FAT3: variants seen among roughly 807,000 people sequenced by gnomAD.
The protein encoded by FAT3 is FAT atypical cadherin 3.
In FAT3, 95 loss-of-function variants were observed where a neutral mutation model predicts 310.2. The observed-to-expected ratio is 0.31, with a 90% CI of 0.26 to 0.36. FAT3 has a LOEUF of 0.36. Ranked by LOEUF, FAT3 falls within the 10% of genes least tolerant of loss-of-function variation. The probability of loss-of-function intolerance (pLI) is 1.00; values close to 1 mark genes in which losing one functional copy is unlikely to be tolerated. For synonymous variants in FAT3, 2,314 were observed against 2,192.9 expected (o/e 1.06, Z -1.54); for missense variants, 5,408 against 5,715.6 (o/e 0.95, Z 1.74).
chr11:92,808,808 C>T (rs1947582577), intron 12 of FAT3, among the ~76,000 whole-genome samples: 1 of 152,054 alleles, frequency 6.6e-6, no homozygotes, highest in African/African-American at 2.4e-5. Context: ...CACCTGTAGT[C>T]CCAGCTACTT....
At chr11:92,700,308 G>C (rs1365554645) in intron 4 of FAT3, among the ~76,000 whole-genome samples, 1 of 152,158 alleles carries the variant, frequency 6.6e-6, no homozygotes, top group Non-Finnish European at 1.5e-5. Context: ...AAGCAGATTG[G>C]AAAGGCAAAC....
intron 20 of FAT3, among the ~76,000 whole-genome samples, chr11:92,858,064 T>C (rs1949027166): frequency 6.6e-6 from 1 of 152,202 alleles, no homozygotes; most frequent in African/African-American, 2.4e-5. Context: ...GGCACATTGA[T>C]AACAATTTTG....
chr11:92,857,132 C>A, intron 19 of FAT3, 82 bp from the exon 20 acceptor site: 1 of 1,601,434 alleles, frequency 6.2e-7, no homozygotes, highest in Non-Finnish European at 8.5e-7. Flanking sequence ...TTGTGTGTTC[C>A]CTTTGAACCT....
chr11:92,716,059 A>C (rs560627420), intron 4 of FAT3, among the ~76,000 whole-genome samples: 83 of 152,306 alleles, frequency 5.4e-4, no homozygotes, highest in African/African-American at 1.9e-3. Flanking sequence ...TATCTGGGAA[A>C]AGAGGACTTT....
intron 3 of FAT3, among the ~76,000 whole-genome samples, chr11:92,555,199 G>C (rs1954976903): frequency 6.6e-6 from 1 of 152,174 alleles, no homozygotes; most frequent in Admixed American, 6.5e-5. Context: ...TGGAATATGA[G>C]ATAACTTGAT....
chr11:92,600,554 A>T (rs1245848293), intron 3 of FAT3, among the ~76,000 whole-genome samples: 1 of 152,214 alleles, frequency 6.6e-6, no homozygotes, highest in African/African-American at 2.4e-5. Flanking sequence ...TTAGAATTGT[A>T]CATTAACTCA....
At chr11:92,387,250 G>A (rs981736514) in intron 2 of FAT3, among the ~76,000 whole-genome samples, 2 of 152,098 alleles carry the variant, frequency 1.3e-5, no homozygotes, top group African/African-American at 2.4e-5. Context: ...TGAGAGAACT[G>A]GGAGGTGCAT....
intron 2 of FAT3, chr11:92,403,443 G>A (rs919686261): frequency 4.6e-5 from 7 of 152,200 alleles, no homozygotes; most frequent in Non-Finnish European, 8.8e-5. Flanking sequence ...GAAACAGTGA[G>A]TTAAATAAAA....
intron 1 of FAT3, among the ~76,000 whole-genome samples, chr11:92,257,763 C>A (rs1461303027): frequency 2.0e-5 from 3 of 152,116 alleles, no homozygotes; most frequent in Admixed American, 1.3e-4. Flanking sequence ...CATCTCCATT[C>A]ATGAATGTTT....
At chr11:92,591,822 T>C (rs1431699678) in intron 3 of FAT3, among the ~76,000 whole-genome samples, 2 of 152,222 alleles carry the variant, frequency 1.3e-5, no homozygotes, top group African/African-American at 4.8e-5. Context: ...GAACATTTTC[T>C]ATCTTTATTT....
chr11:92,306,735 TTATATATAAATATATATAAATA>T (rs1490031072), intron 1 of FAT3, among the ~76,000 whole-genome samples: 3 of 123,128 alleles, frequency 2.4e-5, no homozygotes, highest in African/African-American at 9.2e-5. Context: ...ATATATATAT[TTATATATAAATATATATAAATA>T]TATATATAAA....
At chr11:92,479,536 T>C (rs1952158513) in intron 2 of FAT3, among the ~76,000 whole-genome samples, 1 of 152,216 alleles carries the variant, frequency 6.6e-6, no homozygotes, top group South Asian at 2.1e-4. Context: ...GATAAAATCA[T>C]GCAGGCCTTG....
At chr11:92,606,366 G>T (rs962403148) in intron 3 of FAT3, among the ~76,000 whole-genome samples, 5 of 152,104 alleles carry the variant, frequency 3.3e-5, no homozygotes, top group African/African-American at 1.2e-4. Flanking sequence ...GAAGGAGAGT[G>T]CAGCATGCAT....
intron 2 of FAT3, among the ~76,000 whole-genome samples, chr11:92,505,475 A>G (rs1953073120): frequency 2.0e-5 from 3 of 152,146 alleles, no homozygotes; most frequent in Admixed American, 2.0e-4. Flanking sequence ...GCTGGTGTGC[A>G]TCACTGCCCT....
chr11:92,886,028 A>T (rs1949789092), intron 24 of FAT3, among the ~76,000 whole-genome samples: 1 of 152,176 alleles, frequency 6.6e-6, no homozygotes, highest in South Asian at 2.1e-4. Context: ...CTTTAATCAC[A>T]AGTCTGTATC....
intron 1 of FAT3, among the ~76,000 whole-genome samples, chr11:92,343,321 G>T (rs934020109): frequency 8.2e-6 from 1 of 121,334 alleles, no homozygotes; most frequent in African/African-American, 5.9e-5. Context: ...CTTTGGTTAG[G>T]GATTTTTTTT....
intron 2 of FAT3, among the ~76,000 whole-genome samples, chr11:92,507,774 C>T (rs1029563472): frequency 6.6e-6 from 1 of 151,736 alleles, no homozygotes; most frequent in African/African-American, 2.4e-5. Context: ...CACACATATA[C>T]ACACATCCTA....
chr11:92,863,209 C>G (rs995556788), intron 21 of FAT3, among the ~76,000 whole-genome samples: 2 of 152,056 alleles, frequency 1.3e-5, no homozygotes, highest in African/African-American at 4.8e-5. Context: ...TCCCAAGTAG[C>G]TAGGACTACA....
chr11:92,258,476 C>T (rs1865403171), intron 1 of FAT3, among the ~76,000 whole-genome samples: 1 of 151,992 alleles, frequency 6.6e-6, no homozygotes, highest in East Asian at 1.9e-4. Flanking sequence ...GATGTTCCAA[C>T]TGGGTATAGG....
Sources: gnomAD v4.1 joint callset for allele counts (sites outside exome capture counted in the v4.1 genomes callset) on GRCh38, gnomAD v4.1.1 for gene constraint, MANE v1.5 for transcripts, NCBI Gene and HGNC (gene_info 2026-07-23, HGNC 2026-07-21) for gene names.